Variants in YY1AP1 observed in about 807,000 individuals in gnomAD.
The protein encoded by YY1AP1 is YY1 associated protein 1, also known as YY1-associated protein 1.
A neutral mutation model predicts 39.9 loss-of-function variants in YY1AP1; 43 were observed. The observed-to-expected ratio is 1.08, with a 90% CI of 0.84 to 1.39. YY1AP1 has a LOEUF of 1.39. YY1AP1 is among the 40% of genes most tolerant of loss of function. The pLI, the probability that YY1AP1 is intolerant of heterozygous loss-of-function variation, is 0.00. For synonymous variants in YY1AP1, 292 were observed against 331.3 expected (o/e 0.88, Z 1.29); for missense variants, 813 against 900.7 (o/e 0.90, Z 1.25).
chr1:155,669,799 G>C (rs1279758478), intron 8 of YY1AP1, among the ~76,000 whole-genome samples: 1 of 152,160 alleles, frequency 6.6e-6, no homozygotes, highest in Non-Finnish European at 1.5e-5. Context: ...GGCCAGGAGT[G>C]GGAGGATCAT....
chr1:155,671,036 G>A (rs1302147697), intron 7 of YY1AP1: 2 of 155,392 alleles, frequency 1.3e-5, no homozygotes, highest in Non-Finnish European at 2.9e-5. Context: ...AAAGTACCTA[G>A]TAATACCTGT....
intron 7 of YY1AP1, among the ~76,000 whole-genome samples, chr1:155,671,763 A>T: frequency 6.6e-6 from 1 of 152,226 alleles, no homozygotes; most frequent in East Asian, 1.9e-4. Flanking sequence ...ATAATTTGGT[A>T]TTAAATCACG....
At chr1:155,673,299 TCACCTCACCCGAC>T (rs1275904113) in intron 6 of YY1AP1, among the ~76,000 whole-genome samples, 8 of 151,812 alleles carry the variant, frequency 5.3e-5, no homozygotes, top group Non-Finnish European at 1.0e-4. Context: ...CAGGGATGAG[TCACCTCACCCGAC>T]CAGGACCATT....
Position 155,660,931 on chromosome 1 carries a change from A to G in YY1AP1, c.997-18T>C. ...AGACTGGCCTATTGGAAATGAGAAC[A>G]CTCTGATCCAGCACATGTCAGAATT... On this transcript the variant is annotated intron_variant, in intron 10 of 10. Transcript: ENST00000355499. 6.2e-7 allele frequency: 1 copy of G among 1,613,908 alleles called. No individual in the cohort carries two copies. Among genetic ancestry groups the G allele is most frequent in the Non-Finnish European group, 8.5e-7 (1 of 1,180,016 alleles).
Position 155,670,370 on chromosome 1 carries a change from C to A in YY1AP1, c.678G>T (p.Leu226=), listed in dbSNP as rs933236092. 2 of 1,613,324 alleles carry A rather than the reference C, an allele frequency of 1.2e-6. No homozygotes were observed. Among genetic ancestry groups the A allele is most frequent in the Non-Finnish European group, 1.7e-6 (2 of 1,180,008 alleles). The change falls in exon 8 of 11, where the codon CTG becomes CTT. Residue 226 remains leucine (L), a synonymous_variant. Coordinates refer to ENST00000355499, the MANE Select transcript of YY1AP1 (RefSeq NM_139119.3). ...TCTTATCCTGGGGATTCTTTGCCTT[C>A]AGGGAACACACTGGAAGTAACTCTG... The part of the protein sequence containing the change: ...MYPELLPVCS[L]KAKNPQDKIL...
rs577908607 is a variant in YY1AP1, at chr1:155,679,065, A to C, written c.125+344T>G. ...TTTAGCAGATATTAATGGCACATAA[A>C]AAGAACAAAAGGGACAGACTGGATA... On this transcript the variant is annotated intron_variant, in intron 4 of 10. Coordinates refer to ENST00000355499, the MANE Select transcript of YY1AP1 (RefSeq NM_139119.3). The C allele has an allele frequency of 3.6e-5, 43 of 1,178,598 alleles. No individual in the cohort carries two copies. In the African/African-American group the frequency reaches 6.2e-4, roughly 17 times the overall value. The allele number at this position is 1,178,598 out of a possible 1,614,324, so 73.0% of individuals were successfully genotyped here. A position where few individuals can be genotyped will look rare whatever the true frequency, so the allele number is the denominator to read the frequency against.
rs41264945 is a variant in YY1AP1, at chr1:155,670,324, C to T, written c.724G>A (p.Asp242Asn). The change falls in exon 8 of 11, where the codon GAC (aspartate) becomes AAC (asparagine). Residue 242 changes from aspartate to asparagine, a missense_variant. Coordinates refer to ENST00000355499, the MANE Select transcript of YY1AP1 (RefSeq NM_139119.3). ...TCCCCCAGAGTAAACACTTACTTGT[C>T]CTCAGCCTTGGTGAAGAGGATCTTA... ...QDKILFTKAE[D>N]NLLALGLKHF... is the part of the protein sequence containing the mutation. 0.046 allele frequency: 74,164 copies of T among 1,611,986 alleles called. 2,106 individuals are homozygous for T. The highest frequency in any genetic ancestry group is 0.055 in the Non-Finnish European group (64,789 of 1,179,734).
chr1:155,675,500 TG>T (rs1234382816), intron 5 of YY1AP1, among the ~76,000 whole-genome samples: 8 of 152,036 alleles, frequency 5.3e-5, no homozygotes, highest in Non-Finnish European at 1.2e-4. Flanking sequence ...GCTAATTTTT[TG>T]TTTTCGTAGA....
chr1:155,677,483 T>C (rs1650872085), intron 4 of YY1AP1, among the ~76,000 whole-genome samples: 1 of 152,142 alleles, frequency 6.6e-6, no homozygotes, highest in African/African-American at 2.4e-5. Flanking sequence ...GGGAGAATAA[T>C]ATACCTAAAT....
chr1:155,662,974 C>A (rs914666641), intron 9 of YY1AP1, among the ~76,000 whole-genome samples: 1 of 152,106 alleles, frequency 6.6e-6, no homozygotes, highest in Non-Finnish European at 1.5e-5. Flanking sequence ...CACTGCACTC[C>A]AGCCTGGGCA....
intron 4 of YY1AP1, chr1:155,679,057 G>A: frequency 9.0e-7 from 1 of 1,114,218 alleles, no homozygotes; most frequent in East Asian, 5.7e-5. Flanking sequence ...GATATTAATG[G>A]CACATAAAAA....
At chr1:155,665,286 T>A (rs58774418) in intron 9 of YY1AP1, among the ~76,000 whole-genome samples, 3,657 of 150,832 alleles carry the variant, frequency 0.024, 103 homozygotes, top group African/African-American at 0.063. Flanking sequence ...AAATTTTTTT[T>A]AAAAAAAAGC....
chr1:155,678,338 C>CTA (rs1437812058), intron 4 of YY1AP1, among the ~76,000 whole-genome samples: 1 of 152,188 alleles, frequency 6.6e-6, no homozygotes, highest in Non-Finnish European at 1.5e-5. Context: ...TGATATATGA[C>CTA]TATATTCCAT....
chr1:155,683,954 T>C (rs1377554047), intron 2 of YY1AP1, among the ~76,000 whole-genome samples: 2 of 151,948 alleles, frequency 1.3e-5, no homozygotes, highest in African/African-American at 4.8e-5. Context: ...TTGATCTACA[T>C]AGCAAGACCT....
chr1:155,668,793 T>C lies in YY1AP1; in HGVS notation c.729-16A>G, dbSNP rs1299569619. ...AGCTAACAAACTGAGAAAGGAGCAATAACACTAAATCTCACTTCACAGTCC... is the reference window on the plus strand; with the variant it reads ...AGCTAACAAACTGAGAAAGGAGCAACAACACTAAATCTCACTTCACAGTCC... On this transcript the variant is annotated splice_polypyrimidine_tract_variant and intron_variant, in intron 8 of 10. Transcript: ENST00000355499. 1 of 1,614,100 alleles carries C rather than the reference T, an allele frequency of 6.2e-7. No homozygotes were observed. Among genetic ancestry groups the C allele is most frequent in the African/African-American group, 1.3e-5 (1 of 75,040 alleles).
chr1:155,668,031 G>A (rs1197063681), intron 9 of YY1AP1, among the ~76,000 whole-genome samples: 4 of 151,704 alleles, frequency 2.6e-5, no homozygotes, highest in Non-Finnish European at 4.4e-5. Flanking sequence ...GGCTGGGCAC[G>A]GTGGCTTATG....
chr1:155,678,253 G>A (rs1321630118), intron 4 of YY1AP1, among the ~76,000 whole-genome samples: 1 of 152,198 alleles, frequency 6.6e-6, no homozygotes, highest in African/African-American at 2.4e-5. Context: ...TTAGGTTTAT[G>A]TAAGTACATT....
intron 2 of YY1AP1, 38 bp from the exon 3 acceptor site, chr1:155,680,494 T>A (rs1651358129): frequency 6.4e-7 from 1 of 1,561,296 alleles, no homozygotes; most frequent in African/African-American, 1.4e-5. Context: ...TAAATTAGAT[T>A]CATTTTACAA....
At chr1:155,683,388 C>T (rs1271976879) in intron 2 of YY1AP1, among the ~76,000 whole-genome samples, 1 of 152,038 alleles carries the variant, frequency 6.6e-6, no homozygotes, top group Non-Finnish European at 1.5e-5. Context: ...GTGGCTCACA[C>T]CTGTAATCCC....
Sources: allele counts gnomAD v4.1 joint callset (sites outside exome capture counted in the v4.1 genomes callset), GRCh38; gene constraint gnomAD v4.1.1; transcripts MANE v1.5; gene names NCBI Gene and HGNC (gene_info 2026-07-23, HGNC 2026-07-21).